Variants in COG5 observed in about 807,000 individuals in gnomAD.
COG5 encodes conserved oligomeric Golgi complex subunit 5.
In COG5, 86 loss-of-function variants were observed where a neutral mutation model predicts 110.4. That is an observed-to-expected ratio of 0.78 (90% CI 0.65 to 0.93). The LOEUF is 0.93. Ranked by LOEUF, COG5 falls within the 40% of genes least tolerant of loss-of-function variation. The probability of loss-of-function intolerance (pLI) is 0.00; values close to 1 mark genes in which losing one functional copy is unlikely to be tolerated. For missense variants in COG5, 1,077 were observed against 987.0 expected (o/e 1.09, Z -1.22); for synonymous variants, 360 against 334.6 (o/e 1.08, Z -0.83).
At chr7:107,401,784 G>A (rs775022359) in intron 7 of COG5, among the ~76,000 whole-genome samples, 17 of 152,202 alleles carry the variant, frequency 1.1e-4, no homozygotes, top group Admixed American at 3.9e-4. Context: ...TATAAAAGCT[G>A]TACCTTTTAA....
At chr7:107,398,954 C>A (rs935443041) in intron 7 of COG5, among the ~76,000 whole-genome samples, 1 of 152,108 alleles carries the variant, frequency 6.6e-6, no homozygotes, top group Non-Finnish European at 1.5e-5. Flanking sequence ...GTAATCCCAG[C>A]ACTTTGGGAG....
intron 6 of COG5, among the ~76,000 whole-genome samples, chr7:107,461,507 C>T (rs1396310090): frequency 6.6e-6 from 1 of 152,112 alleles, no homozygotes. Context: ...CCCCTGAAGA[C>T]ATGGAAAAAA....
At chr7:107,205,546 T>G (rs1562909010) in intron 21 of COG5, among the ~76,000 whole-genome samples, 1 of 152,238 alleles carries the variant, frequency 6.6e-6, no homozygotes, top group Non-Finnish European at 1.5e-5. Flanking sequence ...TAAAGCTGTC[T>G]CTGCCTAACA....
intron 7 of COG5, among the ~76,000 whole-genome samples, chr7:107,373,525 C>T (rs993005731): frequency 1.3e-5 from 2 of 151,982 alleles, no homozygotes; most frequent in South Asian, 2.1e-4. Flanking sequence ...AAATACAGAT[C>T]GGGGCAGTGG....
chr7:107,455,473 A>G (rs1387693744), intron 6 of COG5, among the ~76,000 whole-genome samples: 1 of 152,224 alleles, frequency 6.6e-6, no homozygotes. Flanking sequence ...TTATGTGAAC[A>G]AAGTGGTGGT....
At chr7:107,463,985 T>C (rs1796154287) in intron 6 of COG5, among the ~76,000 whole-genome samples, 1 of 152,250 alleles carries the variant, frequency 6.6e-6, no homozygotes, top group South Asian at 2.1e-4. Flanking sequence ...GGATGGCGAA[T>C]TGAGCATCTC....
chr7:107,204,234 T>C (rs141006163), intron 21 of COG5, among the ~76,000 whole-genome samples: 21 of 152,218 alleles, frequency 1.4e-4, no homozygotes, highest in African/African-American at 3.4e-4. Context: ...ATGGATTAGG[T>C]TGGGGGTTAG....
intron 19 of COG5, among the ~76,000 whole-genome samples, chr7:107,228,647 G>A (rs546982471): frequency 5.9e-5 from 9 of 152,240 alleles, no homozygotes; most frequent in Admixed American, 2.0e-4. Context: ...AAAGATTTGA[G>A]CTGATACAAA....
rs1214507037 is a variant in COG5, at chr7:107,474,755, C to A, written c.538+52482G>T. The A allele has an allele frequency of 6.2e-7, 1 of 1,610,230 alleles. No homozygotes were observed. The highest frequency in any genetic ancestry group is 1.3e-5 in the African/African-American group (1 of 74,718). The stretch of plus-strand genomic sequence containing the variant: ...GTTGTAGTAATGTTAATCACATACA[C>A]CAAAATACTTCAGGCTCTTAATATT... On this transcript the variant is annotated intron_variant, in intron 6 of 21. Coordinates refer to ENST00000297135, the MANE Select transcript of COG5 (RefSeq NM_006348.5). This position sits in a 1 kb window ranked among gnomAD's most constrained non-coding sequence, Gnocchi z 5.7.
intron 10 of COG5, among the ~76,000 whole-genome samples, chr7:107,347,810 A>G (rs115536945): frequency 0.019 from 2,845 of 152,216 alleles, 87 homozygotes; most frequent in African/African-American, 0.063. Context: ...CCTCCAGTAC[A>G]ATGCAGAAAA....
At chr7:107,395,695 C>T (rs1057169642) in intron 7 of COG5, among the ~76,000 whole-genome samples, 2 of 151,892 alleles carry the variant, frequency 1.3e-5, no homozygotes, top group East Asian at 3.9e-4. Context: ...GCTGGGATTA[C>T]AGGCATGTGC....
intron 10 of COG5, among the ~76,000 whole-genome samples, chr7:107,353,559 T>C (rs1437591590): frequency 6.6e-6 from 1 of 152,068 alleles, no homozygotes; most frequent in Non-Finnish European, 1.5e-5. Context: ...AACAGGATAA[T>C]TTTATAAGCT....
chr7:107,344,725 C>T (rs1331094824), intron 10 of COG5, among the ~76,000 whole-genome samples: 2 of 152,058 alleles, frequency 1.3e-5, no homozygotes, highest in Admixed American at 6.5e-5. Flanking sequence ...GGTTTCTCCA[C>T]GTTGGTCAGG....
At chr7:107,229,617 G>GA (rs1027309702) in intron 19 of COG5, among the ~76,000 whole-genome samples, 9 of 151,868 alleles carry the variant, frequency 5.9e-5, no homozygotes, top group African/African-American at 2.2e-4. Context: ...AATCTGAGCT[G>GA]AAAAAAATCT....
intron 7 of COG5, among the ~76,000 whole-genome samples, chr7:107,401,419 T>C (rs191721922): frequency 6.6e-6 from 1 of 152,282 alleles, no homozygotes; most frequent in East Asian, 1.9e-4. Flanking sequence ...AAAATTATTA[T>C]TTATACATGT....
At chr7:107,340,263 A>G (rs1811064199) in intron 10 of COG5, among the ~76,000 whole-genome samples, 1 of 152,186 alleles carries the variant, frequency 6.6e-6, no homozygotes, top group Admixed American at 6.5e-5. Flanking sequence ...CGTACAAACT[A>G]GAAAATCTAG....
intron 6 of COG5, among the ~76,000 whole-genome samples, chr7:107,431,865 A>C (rs907974510): frequency 6.6e-6 from 1 of 152,056 alleles, no homozygotes; most frequent in African/African-American, 2.4e-5. Context: ...TTTGTTGCCT[A>C]GGCTGGTCTA....
At chr7:107,415,958 GTA>G (rs1201937905) in intron 6 of COG5, among the ~76,000 whole-genome samples, 1 of 74,226 alleles carries the variant, frequency 1.3e-5, no homozygotes, top group East Asian at 2.8e-4. Flanking sequence ...GTATGTGTGT[GTA>G]TATACACACA....
chr7:107,333,334 A>C (rs1810432597), intron 10 of COG5, among the ~76,000 whole-genome samples: 1 of 152,160 alleles, frequency 6.6e-6, no homozygotes, highest in Non-Finnish European at 1.5e-5. Context: ...ACAAAGAAGA[A>C]AGCTATGGAA....
Sources: gnomAD v4.1 joint callset for allele counts (sites outside exome capture counted in the v4.1 genomes callset) on GRCh38, gnomAD v4.1.1 for gene constraint, Gnocchi (gnomAD v3.1) non-coding constraint, MANE v1.5 for transcripts, NCBI Gene and HGNC (gene_info 2026-07-23, HGNC 2026-07-21) for gene names.